Variants in ZNF14 observed in about 807,000 individuals in gnomAD.
ZNF14 encodes the protein zinc finger protein 14.
In ZNF14, 9 loss-of-function variants were observed where a neutral mutation model predicts 11.3. The ratio of observed to expected loss-of-function variants is 0.80; its 90% CI spans 0.48 to 1.39. The LOEUF is 1.39. ZNF14 is among the 40% of genes most tolerant of loss of function. The pLI, the probability that ZNF14 is intolerant of heterozygous loss-of-function variation, is 0.00. For missense variants in ZNF14, 711 were observed against 763.9 expected (o/e 0.93, Z 0.82); for synonymous variants, 239 against 245.7 (o/e 0.97, Z 0.25).
At chr19:19,713,748 C>CTTTTTTTTTCTTTT in intron 3 of ZNF14, among the ~76,000 whole-genome samples, 1 of 120,188 alleles carries the variant, frequency 8.3e-6, no homozygotes, top group African/African-American at 3.0e-5. Context: ...TGTGCCAGGC[C>CTTTTTTTTTCTTTT]TTTTTTTTTT....
chr19:19,722,048 T>G (rs2062394694), intron 1 of ZNF14, among the ~76,000 whole-genome samples: 1 of 152,062 alleles, frequency 6.6e-6, no homozygotes, highest in Non-Finnish European at 1.5e-5. Context: ...TCACCTCTGC[T>G]AGTCATCAGA....
In ZNF14 at chr19:19,726,790, C is replaced by T. The variant is rs560520628; in HGVS notation, c.3+6166G>A. Among the ~76,000 whole-genome samples, 192 of 133,012 alleles carry T rather than the reference C, an allele frequency of 1.4e-3. 41 individuals are homozygous for T. Among genetic ancestry groups the T allele is most frequent in the Middle Eastern group, 8.6e-3 (2 of 232 alleles). The allele number at this position is 133,012 out of a possible 152,430, so 87.3% of individuals were successfully genotyped here. A position where few individuals can be genotyped will look rare whatever the true frequency, so the allele number is the denominator to read the frequency against. ...CTACTCAAGCCTCAGCAATGACGGACGCCCCTTCCCCAGCCTTGCTGCCGA... is the reference window on the plus strand; with the variant it reads ...CTACTCAAGCCTCAGCAATGACGGATGCCCCTTCCCCAGCCTTGCTGCCGA... On this transcript the variant is annotated intron_variant, in intron 1 of 3. Coordinates refer to ENST00000344099, the MANE Select transcript of ZNF14 (RefSeq NM_021030.3).
Position 19,712,061 on chromosome 19 carries a change from C to T in ZNF14, c.1220G>A (p.Arg407Gln), listed in dbSNP as rs760167383. The T allele has an allele frequency of 2.0e-5, 33 of 1,613,306 alleles. No individual in the cohort carries two copies. The highest frequency in any genetic ancestry group is 2.7e-5 in the Non-Finnish European group (32 of 1,179,806). Reference sequence around the variant, plus strand: ...TCCAGTGTGAGTTGTTTCGTGTTCTCGAAGGGAACTTGAAAAACTGAAGGT... The same window carrying T: ...TCCAGTGTGAGTTGTTTCGTGTTCTTGAAGGGAACTTGAAAAACTGAAGGT... ...HKTFSFSSSL[R>Q]EHETTHTGEK... Residue 407 changes from arginine (R) to glutamine (Q), a missense_variant, in exon 4 of 4, where the codon CGA becomes CAA. By Grantham distance (43) the Arg-to-Gln change is conservative. Coordinates refer to ENST00000344099, the MANE Select transcript of ZNF14 (RefSeq NM_021030.3).
In ZNF14 at chr19:19,733,097, T is replaced by G. The variant is rs1159677919; in HGVS notation, c.-139A>C. 9 of 1,106,584 alleles carry G rather than the reference T, an allele frequency of 8.1e-6. No individual in the cohort carries two copies. In the East Asian group the frequency reaches 2.4e-4, roughly 29 times the overall value. 68.5% of individuals were successfully genotyped at this position (1,106,584 alleles called of 1,614,324 possible). On this transcript the variant is annotated 5_prime_UTR_variant, in exon 1 of 4. Transcript: ENST00000344099. Reference sequence around the variant, plus strand: ...ACGCAATCTTCCCATGGGCCAGGAATGGCGACGTCCGCACTGCGCAGGCCC... The same window carrying G: ...ACGCAATCTTCCCATGGGCCAGGAAGGGCGACGTCCGCACTGCGCAGGCCC...
At position 19,712,026 on chromosome 19, in the gene ZNF14, A is replaced by G. The variant is rs1290575415; in HGVS notation, c.1255T>C (p.Tyr419His). Reference sequence around the variant, plus strand: ...GTTTTACCACATTGTTTACATTCATAGGGTTTCTCTCCAGTGTGAGTTGTT... The same window carrying G: ...GTTTTACCACATTGTTTACATTCATGGGGTTTCTCTCCAGTGTGAGTTGTT... ...HETTHTGEKP[Y>H]ECKQCGKTFS... Residue 419 changes from tyrosine (Y) to histidine (H), a missense_variant, in exon 4 of 4, where the codon TAT (tyrosine) becomes CAT (histidine). Transcript: ENST00000344099. The G allele has an allele frequency of 3.1e-6, 5 of 1,613,974 alleles. No individual in the cohort carries two copies. The Admixed American group carries it at 6.7e-5, about 22-fold the overall frequency.
At chr19:19,713,450 A>ATT (rs753373182) in intron 3 of ZNF14, among the ~76,000 whole-genome samples, 5 of 141,668 alleles carry the variant, frequency 3.5e-5, no homozygotes, top group Non-Finnish European at 6.2e-5. Context: ...TGCCTGGCTA[A>ATT]TTTTTTTTTT....
intron 1 of ZNF14, among the ~76,000 whole-genome samples, chr19:19,726,754 G>A (rs1249393007): frequency 5.3e-5 from 7 of 131,828 alleles, no homozygotes; most frequent in South Asian, 5.0e-4. Flanking sequence ...CTTCCCAGCC[G>A]CTTTGTTTAC....
intron 1 of ZNF14, among the ~76,000 whole-genome samples, chr19:19,722,173 T>C (rs967091729): frequency 3.3e-5 from 5 of 152,042 alleles, no homozygotes; most frequent in Non-Finnish European, 7.4e-5. Flanking sequence ...CCAAGCACAG[T>C]ATCTGATTAA....
intron 3 of ZNF14, among the ~76,000 whole-genome samples, chr19:19,713,748 C>CTTTTTTTTTTTTTTT (rs71172526): frequency 0.016 from 1,957 of 119,718 alleles, 157 homozygotes; most frequent in Middle Eastern, 0.042. Flanking sequence ...TGTGCCAGGC[C>CTTTTTTTTTTTTTTT]TTTTTTTTTT....
chr19:19,722,769 T>C (rs1477421717), intron 1 of ZNF14, among the ~76,000 whole-genome samples: 1 of 152,198 alleles, frequency 6.6e-6, no homozygotes, highest in African/African-American at 2.4e-5. Flanking sequence ...TTTGTAGTTC[T>C]CCTTGAATAG....
Position 19,714,464 on chromosome 19 carries a change from C to T in ZNF14, c.27G>A (p.Val9=), listed in dbSNP as rs2062371866. 6.2e-7 allele frequency: 1 copy of T among 1,613,868 alleles called. No individual in the cohort carries two copies. Among genetic ancestry groups the T allele is most frequent in the Non-Finnish European group, 8.5e-7 (1 of 1,179,958 alleles). Residue 9 remains valine (V), a synonymous_variant, in exon 2 of 4, where the codon GTG becomes GTA. Transcript: ENST00000344099. MDSVSFED[V]AVNFTLEEWA... ...ACTCCTCCAGGGTGAAGTTCACGGCCACATCCTCAAAGGAGACTGAGTCCT... is the reference window on the plus strand; with the variant it reads ...ACTCCTCCAGGGTGAAGTTCACGGCTACATCCTCAAAGGAGACTGAGTCCT...
intron 1 of ZNF14, among the ~76,000 whole-genome samples, chr19:19,718,081 A>T (rs2037381426): frequency 6.6e-6 from 1 of 152,216 alleles, no homozygotes; most frequent in Non-Finnish European, 1.5e-5. Context: ...TTCCCAGTAC[A>T]TCTTGTCGAG....
In ZNF14 at chr19:19,718,890, G is replaced by A. The variant is rs1358267583; in HGVS notation, c.4-4403C>T. On this transcript the variant is annotated intron_variant, in intron 1 of 3. Transcript: ENST00000344099. ...AAGCAATTCTCCTGCCTCAGCCTCCGAGTAGCTGAGATTACAGGTACGCAC... is the reference window on the plus strand; with the variant it reads ...AAGCAATTCTCCTGCCTCAGCCTCCAAGTAGCTGAGATTACAGGTACGCAC... 4.6e-5 allele frequency among the ~76,000 whole-genome samples: 7 copies of A among 152,024 alleles called. No individual in the cohort carries two copies. The East Asian group carries it at 9.7e-4, about 21-fold the overall frequency.
intron 1 of ZNF14, among the ~76,000 whole-genome samples, chr19:19,715,936 C>T (rs887124300): frequency 3.3e-5 from 5 of 152,288 alleles, no homozygotes; most frequent in African/African-American, 1.2e-4. Flanking sequence ...TTATCACAGG[C>T]TCAGTTCTTC....
Position 19,711,806 on chromosome 19 carries a change from A to T in ZNF14, c.1475T>A (p.Leu492Gln). The change falls in exon 4 of 4, where the codon CTG (leucine) becomes CAG (glutamine). Residue 492 changes from leucine to glutamine, a missense_variant. Coordinates refer to ENST00000344099, the MANE Select transcript of ZNF14 (RefSeq NM_021030.3). ...KVFIRSSSFR[L>Q]HERTHTGEKP... ...CTCTCCAGTGTGTGTTCTTTCATGC[A>T]GTCGAAAGGAACTGGAACGAATGAA... 5 of 1,612,478 alleles carry T rather than the reference A, an allele frequency of 3.1e-6. No homozygotes were observed. Among genetic ancestry groups the T allele is most frequent in the Non-Finnish European group, 4.2e-6 (5 of 1,179,316 alleles).
chr19:19,712,378 A>G lies in ZNF14; in HGVS notation c.903T>C (p.His301=), dbSNP rs1365727474. 4 of 1,611,402 alleles carry G rather than the reference A, an allele frequency of 2.5e-6. No homozygotes were observed. Among genetic ancestry groups the G allele is most frequent in the African/African-American group, 2.7e-5 (2 of 74,610 alleles). The part of the protein sequence containing the change: ...LSSFRRHKRT[H]SGEKPYECKE... ...TACATTCATAGGGTTTCTCTCCACTATGAGTCCTTTTATGCCTTCGAAAAG... is the reference window on the plus strand; with the variant it reads ...TACATTCATAGGGTTTCTCTCCACTGTGAGTCCTTTTATGCCTTCGAAAAG... The change falls in exon 4 of 4, where the codon CAT becomes CAC. Residue 301 remains histidine (H), a synonymous_variant. Transcript: ENST00000344099.
At chr19:19,719,824 C>T (rs771282402) in intron 1 of ZNF14, among the ~76,000 whole-genome samples, 4 of 151,996 alleles carry the variant, frequency 2.6e-5, no homozygotes, top group Non-Finnish European at 5.9e-5. Flanking sequence ...ATCAAATATA[C>T]GGTGTTGAAA....
Position 19,712,364 on chromosome 19 carries a change from G to C in ZNF14, c.917C>G (p.Pro306Arg), listed in dbSNP as rs777572337. 28 of 1,612,946 alleles carry C rather than the reference G, an allele frequency of 1.7e-5. No individual in the cohort carries two copies. Among genetic ancestry groups the C allele is most frequent in the Non-Finnish European group, 2.4e-5 (28 of 1,179,782 alleles). ...RHKRTHSGEK[P>R]YECKECGKAF... ...TTTTCCACATTCTTTACATTCATAGGGTTTCTCTCCACTATGAGTCCTTTT... is the reference window on the plus strand; with the variant it reads ...TTTTCCACATTCTTTACATTCATAGCGTTTCTCTCCACTATGAGTCCTTTT... Residue 306 changes from proline (P) to arginine (R), a missense_variant, in exon 4 of 4, where the codon CCC (proline) becomes CGC (arginine). Pro to Arg is a moderately radical substitution (Grantham distance 103, BLOSUM62 -2). Transcript: ENST00000344099.
intron 1 of ZNF14, among the ~76,000 whole-genome samples, chr19:19,723,237 T>A (rs1433947828): frequency 6.6e-6 from 1 of 152,204 alleles, no homozygotes; most frequent in Non-Finnish European, 1.5e-5. Flanking sequence ...CTCTTATTAT[T>A]TTGAGATACA....
Sources: allele counts gnomAD v4.1 joint callset (sites outside exome capture counted in the v4.1 genomes callset), GRCh38; gene constraint gnomAD v4.1.1; transcripts MANE v1.5; gene names NCBI Gene and HGNC (gene_info 2026-07-23, HGNC 2026-07-21).